Variants in OLA1 observed in about 807,000 individuals in gnomAD.
The protein encoded by OLA1 is obg-like ATPase 1.
OLA1 carries 14 observed loss-of-function variants against 48.4 expected under a neutral mutation model. That is an observed-to-expected ratio of 0.29 (90% CI 0.19 to 0.45). The LOEUF (loss-of-function observed/expected upper bound fraction) is 0.45, where lower values mean the gene tolerates loss of function less well. OLA1 is among the 20% of genes least tolerant of loss of function. The pLI is 1.00. For missense variants in OLA1, 325 were observed against 467.1 expected, an observed-to-expected ratio of 0.70 and a Z score of 2.80; for synonymous variants, 127 against 150.4, an observed-to-expected ratio of 0.84 and a Z score of 1.14.
At chr2:174,239,444 T>C (rs1688942921) in intron 2 of OLA1, among the ~76,000 whole-genome samples, 1 of 152,130 alleles carries the variant, frequency 6.6e-6, no homozygotes, top group African/African-American at 2.4e-5. Flanking sequence ...AACTTGAAAT[T>C]AATTATGAGG....
intron 7 of OLA1, among the ~76,000 whole-genome samples, chr2:174,103,526 T>A (rs1386092812): frequency 6.6e-6 from 1 of 152,168 alleles, no homozygotes; most frequent in Non-Finnish European, 1.5e-5. Context: ...ACACAGCCTA[T>A]CCACCTGTGC....
chr2:174,194,622 C>A (rs972292596), intron 4 of OLA1, among the ~76,000 whole-genome samples: 2 of 152,062 alleles, frequency 1.3e-5, no homozygotes, highest in Admixed American at 1.3e-4. Context: ...TTAAAAATCC[C>A]AATACGTAAA....
chr2:174,228,255 A>G (rs1039151773), intron 3 of OLA1, among the ~76,000 whole-genome samples: 8 of 152,206 alleles, frequency 5.3e-5, no homozygotes, highest in African/African-American at 1.9e-4. Flanking sequence ...AAAACAAATT[A>G]TATTATCAAT....
intron 7 of OLA1, among the ~76,000 whole-genome samples, chr2:174,119,889 G>A (rs1685873537): frequency 3.3e-5 from 5 of 151,522 alleles, no homozygotes. Context: ...TTACCCAAAA[G>A]GTAATGTTAA....
At chr2:174,114,414 G>T (rs1160402116) in intron 7 of OLA1, among the ~76,000 whole-genome samples, 17 of 146,816 alleles carry the variant, frequency 1.2e-4, no homozygotes, top group Admixed American at 1.2e-3. Context: ...GGGGAAGCAG[G>T]ACATACAAAA....
At chr2:174,212,007 CAG>C (rs148137459) in intron 4 of OLA1, among the ~76,000 whole-genome samples, 9,518 of 152,204 alleles carry the variant, frequency 0.063, 351 homozygotes, top group Middle Eastern at 0.14. Context: ...CAAAGGCAAA[CAG>C]TGCTGTTTTT....
chr2:174,111,810 T>G (rs1173079734), intron 7 of OLA1, among the ~76,000 whole-genome samples: 1 of 152,194 alleles, frequency 6.6e-6, no homozygotes, highest in Non-Finnish European at 1.5e-5. Context: ...AGTACATGGT[T>G]AAAAACAAAT....
At chr2:174,096,439 T>C (rs1312309907) in intron 7 of OLA1, among the ~76,000 whole-genome samples, 1 of 152,064 alleles carries the variant, frequency 6.6e-6, no homozygotes, top group African/African-American at 2.4e-5. Context: ...ATCTAAAAAA[T>C]AAAACCCCAA....
chr2:174,220,964 C>T (rs1688486741), intron 4 of OLA1, among the ~76,000 whole-genome samples: 1 of 152,078 alleles, frequency 6.6e-6, no homozygotes, highest in South Asian at 2.1e-4. Context: ...TTTTCATAGC[C>T]TCAAAGTAAT....
intron 4 of OLA1, among the ~76,000 whole-genome samples, chr2:174,173,339 G>A (rs35690987): frequency 0.53 from 80,718 of 151,722 alleles, 22,017 homozygotes; most frequent in East Asian, 0.94. Context: ...TGCTTTCGTC[G>A]AATGGTCAGA....
chr2:174,152,400 C>T (rs996576708), intron 4 of OLA1, among the ~76,000 whole-genome samples: 11 of 151,892 alleles, frequency 7.2e-5, no homozygotes, highest in Middle Eastern at 3.4e-3. Flanking sequence ...AAGACTCCGT[C>T]TCAAAAAATA....
intron 7 of OLA1, among the ~76,000 whole-genome samples, chr2:174,090,940 G>C (rs2105345926): frequency 6.6e-6 from 1 of 152,306 alleles, no homozygotes; most frequent in South Asian, 2.1e-4. Flanking sequence ...ATGTGGGCCA[G>C]AGCTATCACC....
At chr2:174,110,550 T>C (rs1685625369) in intron 7 of OLA1, among the ~76,000 whole-genome samples, 1 of 151,842 alleles carries the variant, frequency 6.6e-6, no homozygotes, top group Admixed American at 6.6e-5. Flanking sequence ...GCTCAAGCAA[T>C]CCTTCCACCT....
intron 5 of OLA1, among the ~76,000 whole-genome samples, chr2:174,132,343 A>G (rs1686202104): frequency 6.6e-6 from 1 of 151,840 alleles, no homozygotes; most frequent in Admixed American, 6.6e-5. Context: ...TTCCTATTTC[A>G]TTAATATTTA....
At chr2:174,136,969 C>A (rs1686325310) in intron 5 of OLA1, among the ~76,000 whole-genome samples, 2 of 152,100 alleles carry the variant, frequency 1.3e-5, no homozygotes, top group African/African-American at 4.8e-5. Context: ...GCCACCACGC[C>A]CGGCCATGAA....
intron 4 of OLA1, among the ~76,000 whole-genome samples, chr2:174,210,718 G>C (rs1390206202): frequency 6.6e-6 from 1 of 152,130 alleles, no homozygotes; most frequent in Non-Finnish European, 1.5e-5. Context: ...AACAACAGTG[G>C]CTGGCATAAC....
intron 7 of OLA1, among the ~76,000 whole-genome samples, chr2:174,105,522 T>C (rs554559464): frequency 1.3e-5 from 2 of 152,160 alleles, no homozygotes; most frequent in Non-Finnish European, 1.5e-5. Flanking sequence ...TTCAATGTTC[T>C]GTTTTCTAGA....
chr2:174,209,659 G>A (rs1688199733), intron 4 of OLA1, among the ~76,000 whole-genome samples: 1 of 152,132 alleles, frequency 6.6e-6, no homozygotes, highest in African/African-American at 2.4e-5. Context: ...GCTGCATACA[G>A]TAGAAACTTG....
At chr2:174,123,565 G>C (rs977591115) in intron 6 of OLA1, 30 bp downstream of exon 6, 9 of 1,338,066 alleles carry the variant, frequency 6.7e-6, no homozygotes, top group Non-Finnish European at 9.4e-6. Flanking sequence ...AGCAAAGGCA[G>C]TAATAGATGG....
Sources: allele counts gnomAD v4.1 joint callset (sites outside exome capture counted in the v4.1 genomes callset), GRCh38; gene constraint gnomAD v4.1.1; transcripts MANE v1.5; gene names NCBI Gene and HGNC (gene_info 2026-07-23, HGNC 2026-07-21).